The following COL19A1 variants were observed in gnomAD, a reference collection of about 807,000 sequenced individuals.
The protein encoded by COL19A1 is collagen type XIX alpha 1 chain.
COL19A1 carries 159 observed loss-of-function variants against 190.2 expected under a neutral mutation model. The ratio of observed to expected loss-of-function variants is 0.84; its 90% CI spans 0.73 to 0.95. COL19A1 has a LOEUF of 0.95. Among genes scored for constraint, COL19A1 ranks in the 40% least tolerant of loss-of-function variants. COL19A1 has a pLI of 0.00. For synonymous variants in COL19A1, 509 were observed against 458.9 expected, an observed-to-expected ratio of 1.11 and a Z score of -1.39; for missense variants, 1,418 against 1,431.9, an observed-to-expected ratio of 0.99 and a Z score of 0.16.
At chr6:70,133,116 T>C (rs1785624593) in intron 18 of COL19A1, among the ~76,000 whole-genome samples, 1 of 152,356 alleles carries the variant, frequency 6.6e-6, no homozygotes, top group Admixed American at 6.5e-5. Context: ...CTCATCTTTG[T>C]ATCTCCCACC....
At chr6:70,077,450 C>A (rs752708184) in intron 15 of COL19A1, among the ~76,000 whole-genome samples, 1 of 152,016 alleles carries the variant, frequency 6.6e-6, no homozygotes, top group Non-Finnish European at 1.5e-5. Flanking sequence ...AACCAGTAAA[C>A]TTTTACTTGG....
chr6:70,130,519 C>T (rs955043203), intron 18 of COL19A1, among the ~76,000 whole-genome samples: 1 of 152,232 alleles, frequency 6.6e-6, no homozygotes, highest in Non-Finnish European at 1.5e-5. Flanking sequence ...AGCCACTGCA[C>T]CCGGCAGTAA....
chr6:70,055,781 T>TAAAAA (rs55871207), intron 14 of COL19A1, among the ~76,000 whole-genome samples: 101 of 117,410 alleles, frequency 8.6e-4, no homozygotes, highest in African/African-American at 3.4e-3. Flanking sequence ...AACTCTGTAT[T>TAAAAA]AAAAAAAAAA....
chr6:69,903,512 G>A (rs1276284018), intron 4 of COL19A1, among the ~76,000 whole-genome samples: 1 of 152,176 alleles, frequency 6.6e-6, no homozygotes, highest in Non-Finnish European at 1.5e-5. Context: ...TCTGCATGAT[G>A]ACTATATCCC....
Position 69,873,750 on chromosome 6 carries a change from T to C in COL19A1, c.-32-5786T>C, listed in dbSNP as rs550854823. ...CCTCTTAATACTGTGACATTGGGGA[T>C]TAAGTTTCTAACACAGGAAATTTGG... On this transcript the variant is annotated intron_variant, in intron 1 of 50. Coordinates refer to ENST00000620364, the MANE Select transcript of COL19A1 (RefSeq NM_001858.6). Among the ~76,000 whole-genome samples, 6 of 152,334 alleles carry C rather than the reference T, an allele frequency of 3.9e-5. No individual in the cohort carries two copies. In the South Asian group the frequency reaches 1.2e-3, roughly 32 times the overall value.
At chr6:69,874,005 T>C (rs910238395) in intron 1 of COL19A1, among the ~76,000 whole-genome samples, 1 of 152,212 alleles carries the variant, frequency 6.6e-6, no homozygotes, top group Non-Finnish European at 1.5e-5. Flanking sequence ...TCTGACAACA[T>C]TGGCTTGGTT....
chr6:70,128,604 G>A (rs994313831), intron 17 of COL19A1, among the ~76,000 whole-genome samples: 4 of 152,236 alleles, frequency 2.6e-5, no homozygotes, highest in African/African-American at 9.6e-5. Context: ...GGAGTAAACA[G>A]GAGTTACATA....
At chr6:70,032,993 A>G (rs879571819) in intron 12 of COL19A1, among the ~76,000 whole-genome samples, 3 of 152,170 alleles carry the variant, frequency 2.0e-5, no homozygotes, top group Non-Finnish European at 2.9e-5. Flanking sequence ...ATACTGTATC[A>G]CATCTCAAAT....
intron 11 of COL19A1, among the ~76,000 whole-genome samples, chr6:70,003,564 G>A (rs1777409939): frequency 6.6e-6 from 1 of 152,028 alleles, no homozygotes; most frequent in African/African-American, 2.4e-5. Context: ...CCTGTATTGG[G>A]TGCATATATA....
intron 41 of COL19A1, among the ~76,000 whole-genome samples, chr6:70,175,264 C>T (rs1002185997): frequency 3.3e-5 from 5 of 151,978 alleles, no homozygotes; most frequent in African/African-American, 9.7e-5. Context: ...TTCATTTTTA[C>T]GTTTAATCTT....
At chr6:70,168,297 A>C in intron 39 of COL19A1, 82 bp downstream of exon 39, 3 of 1,440,936 alleles carry the variant, frequency 2.1e-6, no homozygotes, top group Non-Finnish European at 1.9e-6. Flanking sequence ...TCTTAAGTTC[A>C]CTGAAAAACG....
chr6:70,054,148 G>A (rs1042894168), intron 14 of COL19A1, among the ~76,000 whole-genome samples: 12 of 152,116 alleles, frequency 7.9e-5, no homozygotes, highest in Non-Finnish European at 1.8e-4. Flanking sequence ...TCAGGAGTTC[G>A]AGACCAGCCT....
At chr6:70,205,181 A>G (rs1375963926) in intron 49 of COL19A1, among the ~76,000 whole-genome samples, 1 of 152,176 alleles carries the variant, frequency 6.6e-6, no homozygotes, top group Non-Finnish European at 1.5e-5. Flanking sequence ...AATATTTTTA[A>G]CATATATTCT....
At chr6:69,973,619 T>A (rs1476862877) in intron 11 of COL19A1, among the ~76,000 whole-genome samples, 4 of 114,674 alleles carry the variant, frequency 3.5e-5, no homozygotes, top group Non-Finnish European at 7.9e-5. Flanking sequence ...TGTGTTTTTT[T>A]AAATTAAGAA....
intron 9 of COL19A1, among the ~76,000 whole-genome samples, chr6:69,944,994 T>C (rs1051030270): frequency 3.3e-5 from 5 of 152,034 alleles, no homozygotes; most frequent in Admixed American, 6.6e-5. Context: ...AGCAACCTAA[T>C]TCCTTAGCAA....
At chr6:70,163,458 C>A in intron 36 of COL19A1, 62 bp downstream of exon 36, 1 of 1,469,592 alleles carries the variant, frequency 6.8e-7, no homozygotes. Context: ...CAGGATGAGA[C>A]TCTTCACAGA....
Position 69,983,650 on chromosome 6 carries a change from A to G in COL19A1, c.1026+20780A>G, listed in dbSNP as rs528050892. On this transcript the variant is annotated intron_variant, in intron 11 of 50. Transcript: ENST00000620364. ...GAATATTGAGAATATAATTTGCTGA[A>G]TTTTCTTTGAATACTATTCAAATAT... Among the ~76,000 whole-genome samples the G allele has an allele frequency of 1.2e-4, 19 of 152,174 alleles. 1 individual carries two copies. In the South Asian group the frequency reaches 3.5e-3, roughly 28 times the overall value.
intron 11 of COL19A1, among the ~76,000 whole-genome samples, chr6:69,994,267 C>G (rs1313492628): frequency 6.6e-6 from 1 of 152,070 alleles, no homozygotes; most frequent in Non-Finnish European, 1.5e-5. Context: ...ATGTTAAATT[C>G]CTAGCTCTTT....
chr6:69,879,982 T>C (rs1056083507), intron 2 of COL19A1: 1 of 356,136 alleles, frequency 2.8e-6, no homozygotes, highest in African/African-American at 2.1e-5. Flanking sequence ...ATTATTCAAG[T>C]TATAAGTATG....
Sources: gnomAD v4.1 joint callset for allele counts (sites outside exome capture counted in the v4.1 genomes callset) on GRCh38, gnomAD v4.1.1 for gene constraint, MANE v1.5 for transcripts, NCBI Gene and HGNC (gene_info 2026-07-23, HGNC 2026-07-21) for gene names.